The following NDRG2 variants were observed in gnomAD, a reference collection of about 807,000 sequenced individuals.
The protein encoded by NDRG2 is protein NDRG2.
In NDRG2, 34 loss-of-function variants were observed where a neutral mutation model predicts 58.2. That is an observed-to-expected ratio of 0.58 (90% confidence interval 0.44 to 0.78). The LOEUF (loss-of-function observed/expected upper bound fraction) is 0.78, where lower values mean the gene tolerates loss of function less well. Among genes scored for constraint, NDRG2 ranks in the 30% least tolerant of loss-of-function variants. The pLI is 0.00. For synonymous variants in NDRG2, 187 were observed against 175.9 expected (o/e 1.06, Z -0.50); for missense variants, 434 against 471.2 (o/e 0.92, Z 0.73).
chr14:21,038,883 T>A (rs1884769902), intron 1 of NDRG2, among the ~76,000 whole-genome samples: 1 of 152,118 alleles, frequency 6.6e-6, no homozygotes, highest in Non-Finnish European at 1.5e-5. Context: ...CCCACAGCTG[T>A]TCCAGGAAAG....
intron 1 of NDRG2, chr14:21,043,412 G>C: frequency 6.2e-7 from 1 of 1,611,602 alleles, no homozygotes. Context: ...CCCAGAAAAA[G>C]GACTCTCAGC....
At chr14:21,019,215 A>G in intron 10 of NDRG2, 55 bp from the exon 11 acceptor site, 1 of 1,442,128 alleles carries the variant, frequency 6.9e-7, no homozygotes, top group African/African-American at 1.4e-5. Context: ...ATCTAACCAG[A>G]TATAAGCTAT....
intron 1 of NDRG2, among the ~76,000 whole-genome samples, chr14:21,046,478 C>CACTCCAGCCTGGGTAAT (rs142854415): frequency 1.9e-4 from 1 of 5,356 alleles, no homozygotes; most frequent in Non-Finnish European, 1.3e-3. Flanking sequence ...CCATGATCTG[C>CACTCCAGCCTGGGTAAT]ACTCCAGCCT....
At chr14:21,051,529 CTCATGAAGATGAA>C (rs1478877200) in intron 1 of NDRG2, among the ~76,000 whole-genome samples, 3 of 152,306 alleles carry the variant, frequency 2.0e-5, no homozygotes, top group Admixed American at 2.0e-4. Context: ...CATCCTCTCC[CTCATGAAGATGAA>C]TCCAGGAGTG....
intron 1 of NDRG2, among the ~76,000 whole-genome samples, chr14:21,039,356 A>C (rs1472505826): frequency 6.6e-6 from 1 of 152,260 alleles, no homozygotes; most frequent in Non-Finnish European, 1.5e-5. Context: ...AGAAGGAAGC[A>C]GGGGTAGAGA....
chr14:21,031,263 A>G, intron 1 of NDRG2: 1 of 1,477,014 alleles, frequency 6.8e-7, no homozygotes, highest in Non-Finnish European at 9.1e-7. Flanking sequence ...CTGTAGAGAC[A>G]GGGCCGAAAC....
At position 21,070,319 on chromosome 14, in the gene NDRG2, C is replaced by T. The variant is rs1886601147; in HGVS notation, c.24+509G>A. 9.4e-6 allele frequency: 13 copies of T among 1,381,970 alleles called. No individual in the cohort carries two copies. The highest frequency in any genetic ancestry group is 1.2e-5 in the Non-Finnish European group (13 of 1,068,880). 85.6% of individuals were successfully genotyped at this position (1,381,970 alleles called of 1,614,324 possible). On this transcript the variant is annotated intron_variant, in intron 1 of 14. Transcript: ENST00000403829. This position sits in a 1 kb window ranked among gnomAD's most constrained non-coding sequence, Gnocchi z 4.7. ...TCCCTTAGCCAGACCCGGCGAGACA[C>T]GAGCGGCGGGAGGGAGGCGGTGGCG... is the stretch of plus-strand genomic sequence containing the variant.
At chr14:21,025,660 G>A, upstream of NDRG2, 1 of 985,276 alleles carries the variant, frequency 1.0e-6, no homozygotes, top group Non-Finnish European at 1.2e-6. This position sits in a 1 kb window ranked among gnomAD's most constrained non-coding sequence, Gnocchi z 5.1. Context: ...ACTCCCTCGT[G>A]CCCAGAGTCC....
At chr14:21,020,402 A>C in intron 8 of NDRG2, 94 bp downstream of exon 8, 1 of 959,240 alleles carries the variant, frequency 1.0e-6, no homozygotes, top group South Asian at 1.4e-5. Context: ...CTTGAAGTTC[A>C]GAGTCCATCC....
intron 1 of NDRG2, among the ~76,000 whole-genome samples, chr14:21,053,276 A>C (rs561865831): frequency 2.0e-5 from 3 of 152,262 alleles, no homozygotes; most frequent in African/African-American, 7.2e-5. Context: ...TGAGTCCAGG[A>C]GTTTGAGACC....
At chr14:21,021,124 C>T (rs577935817) in intron 6 of NDRG2, 3 of 599,552 alleles carry the variant, frequency 5.0e-6, no homozygotes, top group Non-Finnish European at 9.4e-6. Context: ...ACACTGTTTT[C>T]CCATATAGAT....
At position 21,016,856 on chromosome 14, in the gene NDRG2, G is replaced by A. The variant is rs1274619191; in HGVS notation, c.*740C>T. ...CCACACATACTACAGTGTGGTCAGA[G>A]CCCCAGGGTAGCCCTTTCCACCCTA... On this transcript the variant is annotated 3_prime_UTR_variant, in exon 16 of 16. Coordinates refer to ENST00000556147, the MANE Select transcript of NDRG2 (RefSeq NM_001320329.2). 8.8e-6 allele frequency: 4 copies of A among 456,340 alleles called. No homozygotes were observed. Among genetic ancestry groups the A allele is most frequent in the Admixed American group, 2.4e-5 (1 of 42,542 alleles). The allele number at this position is 456,340 out of a possible 1,614,324, so 28.3% of individuals were successfully genotyped here.
intron 1 of NDRG2, chr14:21,033,730 C>G: frequency 1.0e-6 from 1 of 961,324 alleles, no homozygotes; most frequent in East Asian, 2.4e-5. Context: ...CCTCGTAAGT[C>G]AGGAAGGAAG....
rs763519949 is a variant in NDRG2 at position 21,033,813 on chromosome 14, A to G, written c.25-10492T>C. On this transcript the variant is annotated intron_variant, in intron 1 of 14. Coordinates refer to the NDRG2 transcript ENST00000403829. ...GGTGGTAGAGGTTGGGGAGTGGCTC[A>G]GGAATTAAATTCCCGAATAGAGACC... 27 of 1,573,168 alleles carry G rather than the reference A, an allele frequency of 1.7e-5. No individual in the cohort carries two copies. In the African/African-American group the frequency reaches 3.4e-4, roughly 20 times the overall value.
upstream of NDRG2, chr14:21,030,642 AG>A (rs772655714): frequency 1.3e-3 from 2,026 of 1,614,114 alleles, 1 homozygote; most frequent in Non-Finnish European, 1.6e-3. Context: ...ATCATCAAGC[AG>A]TGGCACTGAA....
chr14:21,068,231 C>T (rs1375496417), intron 1 of NDRG2, among the ~76,000 whole-genome samples: 1 of 12,826 alleles, frequency 7.8e-5, no homozygotes, highest in Non-Finnish European at 4.5e-4. Context: ...GATCTCCTGA[C>T]CTCGTGATCC....
At chr14:21,020,293 C>CA (rs11325826) in intron 8 of NDRG2, 15,666 of 386,846 alleles carry the variant, frequency 0.04, 6 homozygotes, top group South Asian at 0.07. Flanking sequence ...GACACCATCT[C>CA]AAAAAAAAAA....
At chr14:21,059,203 G>C (rs1018548216) in intron 1 of NDRG2, among the ~76,000 whole-genome samples, 1 of 152,210 alleles carries the variant, frequency 6.6e-6, no homozygotes, top group Non-Finnish European at 1.5e-5. Flanking sequence ...GACCCTCAGC[G>C]TTCTGGAGTG....
intron 8 of NDRG2, 155 bp from the exon 9 acceptor site, chr14:21,020,131 T>G: frequency 3.1e-6 from 2 of 638,538 alleles, no homozygotes; most frequent in African/African-American, 1.8e-5. Flanking sequence ...CCATCTCTAC[T>G]AATAATACAA....
Sources: allele counts gnomAD v4.1 joint callset (sites outside exome capture counted in the v4.1 genomes callset), GRCh38; gene constraint gnomAD v4.1.1; non-coding constraint Gnocchi (gnomAD v3.1); transcripts MANE v1.5; gene names NCBI Gene and HGNC (gene_info 2026-07-23, HGNC 2026-07-21).